Variants in STXBP4 observed in about 807,000 individuals in gnomAD.
The protein encoded by STXBP4 is syntaxin-binding protein 4.
STXBP4 carries 55 observed loss-of-function variants against 76.1 expected under a neutral mutation model. The observed-to-expected ratio is 0.72, with a 90% CI of 0.58 to 0.91. STXBP4 has a LOEUF of 0.91. Among genes scored for constraint, STXBP4 ranks in the 40% least tolerant of loss-of-function variants. The probability of loss-of-function intolerance (pLI) is 0.00; values close to 1 mark genes in which losing one functional copy is unlikely to be tolerated. For synonymous variants in STXBP4, 201 were observed against 220.2 expected, an observed-to-expected ratio of 0.91 and a Z score of 0.77; for missense variants, 618 against 636.9, an observed-to-expected ratio of 0.97 and a Z score of 0.32.
the STXBP4 span, among the ~76,000 whole-genome samples, chr17:55,191,607 G>T: frequency 7.9e-5 from 12 of 152,126 alleles, no homozygotes; most frequent in South Asian, 2.5e-3. Context: ...ATCTCTCTTA[G>T]TCTCTTTCTG....
downstream of STXBP4, among the ~76,000 whole-genome samples, chr17:55,173,839 G>T (rs904429074): frequency 3.3e-5 from 5 of 152,186 alleles, no homozygotes; most frequent in Admixed American, 3.3e-4. Context: ...TATCAGCAGG[G>T]TTGTATTTCT....
chr17:55,043,014 A>C (rs973294600), intron 10 of STXBP4, among the ~76,000 whole-genome samples: 1 of 152,156 alleles, frequency 6.6e-6, no homozygotes, highest in African/African-American at 2.4e-5. Flanking sequence ...GTGACAACAA[A>C]ATCAAAATTC....
chr17:55,043,918 G>C (rs778098881), intron 11 of STXBP4: 15 of 337,394 alleles, frequency 4.4e-5, no homozygotes, highest in Non-Finnish European at 6.4e-5. Context: ...CTGCAATCAC[G>C]TCTCACTGCA....
At chr17:55,046,834 T>C (rs1728270242) in intron 11 of STXBP4, among the ~76,000 whole-genome samples, 1 of 151,974 alleles carries the variant, frequency 6.6e-6, no homozygotes, top group South Asian at 2.1e-4. Flanking sequence ...TATTCTTAAC[T>C]GGCTTCTGTT....
At chr17:55,075,945 G>A (rs1212776779) in intron 13 of STXBP4, among the ~76,000 whole-genome samples, 1 of 152,068 alleles carries the variant, frequency 6.6e-6, no homozygotes, top group Non-Finnish European at 1.5e-5. Context: ...GTAGCCAGTT[G>A]AGCATATATT....
At chr17:55,081,349 T>TA (rs1332187239) in intron 16 of STXBP4, among the ~76,000 whole-genome samples, 166 bp downstream of exon 16, 5 of 152,224 alleles carry the variant, frequency 3.3e-5, no homozygotes, top group African/African-American at 1.2e-4. Context: ...TTCCTTTATG[T>TA]AAAGGCTCAG....
chr17:55,197,691 C>T, the STXBP4 span, among the ~76,000 whole-genome samples: 10 of 150,932 alleles, frequency 6.6e-5, no homozygotes, highest in Non-Finnish European at 8.8e-5. Context: ...TGCAGTGAGC[C>T]GAGATTGCAC....
intron 10 of STXBP4, among the ~76,000 whole-genome samples, chr17:55,035,743 A>T (rs1432244460): frequency 6.6e-6 from 1 of 151,936 alleles, no homozygotes; most frequent in Non-Finnish European, 1.5e-5. Flanking sequence ...AATTCTTTTC[A>T]TGCCAGCTCT....
rs190444903 is a variant in STXBP4 at position 55,061,004 on chromosome 17, C to T, written c.1012-11896C>T. On this transcript the variant is annotated intron_variant, in intron 12 of 17. Coordinates refer to ENST00000376352, the MANE Select transcript of STXBP4 (RefSeq NM_178509.6). ...TGGGATATTAAGCATTTGGCAAATT[C>T]TCTGGGTTCAGATAAGCCCACTTGT... 6.4e-4 allele frequency among the ~76,000 whole-genome samples: 98 copies of T among 152,276 alleles called. 1 individual carries two copies. Among genetic ancestry groups the T allele is most frequent in the Non-Finnish European group, 1.1e-3 (78 of 68,016 alleles).
At chr17:55,190,400 G>A in the STXBP4 span, among the ~76,000 whole-genome samples, 3 of 152,116 alleles carry the variant, frequency 2.0e-5, no homozygotes, top group Non-Finnish European at 4.4e-5. Context: ...ATTCGTTGAT[G>A]CTAATAATGA....
At chr17:54,996,001 A>T (rs1209460150) in intron 4 of STXBP4, among the ~76,000 whole-genome samples, 1 of 152,026 alleles carries the variant, frequency 6.6e-6, no homozygotes, top group South Asian at 2.1e-4. Flanking sequence ...CATTGCCCCT[A>T]GACTGGGAGT....
Position 55,036,890 on chromosome 17 carries a change from C to A in STXBP4, c.855+2631C>A, listed in dbSNP as rs1376717202. Among the ~76,000 whole-genome samples the A allele has an allele frequency of 2.0e-5, 3 of 151,810 alleles. No individual in the cohort carries two copies. The East Asian group carries it at 5.8e-4, about 29-fold the overall frequency. On this transcript the variant is annotated intron_variant, in intron 10 of 17. Coordinates refer to ENST00000376352, the MANE Select transcript of STXBP4 (RefSeq NM_178509.6). ...ATTATTAATTACATGATTTCAAATT[C>A]CAGAAACACAGAGTATATAAATATA...
chr17:55,023,146 C>T (rs374278281), intron 8 of STXBP4, among the ~76,000 whole-genome samples: 1 of 152,264 alleles, frequency 6.6e-6, no homozygotes, highest in South Asian at 2.1e-4. Flanking sequence ...ATTCTGGGAG[C>T]GGGTCCGTAG....
chr17:55,146,435 G>A (rs1311351239), intron 17 of STXBP4, among the ~76,000 whole-genome samples: 1 of 152,242 alleles, frequency 6.6e-6, no homozygotes, highest in East Asian at 1.9e-4. Context: ...AGTGAGGCCG[G>A]GCGTGGTGGC....
intron 7 of STXBP4, among the ~76,000 whole-genome samples, chr17:55,005,534 T>G (rs2077990769): frequency 6.6e-6 from 1 of 152,214 alleles, no homozygotes; most frequent in African/African-American, 2.4e-5. Context: ...CAAATTTTTA[T>G]GCTTAGATGT....
chr17:55,047,073 T>C lies in STXBP4; in HGVS notation c.946-16T>C, dbSNP rs2078799914. ...CTTTCATAACAAGTTGTTAATTTGG[T>C]GGTTTTTAAATATAGGAAAAATTAT... On this transcript the variant is annotated splice_polypyrimidine_tract_variant and intron_variant, in intron 11 of 17. Transcript: ENST00000376352. The C allele has an allele frequency of 6.5e-7, 1 of 1,534,786 alleles. No homozygotes were observed. The highest frequency in any genetic ancestry group is 1.4e-5 in the African/African-American group (1 of 73,072).
At chr17:54,984,502 C>T (rs571061984) in intron 1 of STXBP4, among the ~76,000 whole-genome samples, 12 of 151,932 alleles carry the variant, frequency 7.9e-5, no homozygotes, top group South Asian at 2.1e-4. Context: ...CCACCACGCC[C>T]GGCTAATTTT....
intron 4 of STXBP4, chr17:54,991,905 ATAAACAGTCC>A (rs2077723980): frequency 6.6e-6 from 1 of 151,982 alleles, no homozygotes; most frequent in Non-Finnish European, 1.5e-5. Context: ...GTTTGGTTAA[ATAAACAGTCC>A]TACTACTTTT....
chr17:55,001,710 C>G (rs1027084197), intron 7 of STXBP4, among the ~76,000 whole-genome samples: 1 of 152,028 alleles, frequency 6.6e-6, no homozygotes, highest in Admixed American at 6.6e-5. Flanking sequence ...CTTGCTCTGT[C>G]GAAGTTCCGC....
Sources: allele counts gnomAD v4.1 joint callset (sites outside exome capture counted in the v4.1 genomes callset), GRCh38; gene constraint gnomAD v4.1.1; transcripts MANE v1.5; gene names NCBI Gene and HGNC (gene_info 2026-07-23, HGNC 2026-07-21).